STEAP3: variants seen among roughly 807,000 people sequenced by gnomAD.
The protein encoded by STEAP3 is metalloreductase STEAP3.
STEAP3 carries 35 observed loss-of-function variants against 34.9 expected under a neutral mutation model. That is an observed-to-expected ratio of 1.00 (90% CI 0.76 to 1.33). The LOEUF is 1.33. Among genes scored for constraint, STEAP3 ranks in the 40% most tolerant of loss-of-function variants. The pLI, the probability that STEAP3 is intolerant of heterozygous loss-of-function variation, is 0.00. For missense variants in STEAP3, 652 were observed against 667.6 expected (o/e 0.98, Z 0.26); for synonymous variants, 281 against 301.6 (o/e 0.93, Z 0.71).
chr2:119,248,021 G>A lies in STEAP3; in HGVS notation c.865G>A (p.Ala289Thr). 1 of 1,610,416 alleles carries A rather than the reference G, an allele frequency of 6.2e-7. No homozygotes were observed. Among genetic ancestry groups the A allele is most frequent in the Non-Finnish European group, 8.5e-7 (1 of 1,179,882 alleles). Reference sequence around the variant, plus strand: ...GTACTTGCCCGGCGTGCTGGCGGCTGCCCTGCAGCTGCGGCGCGGCACCAA... The same window carrying A: ...GTACTTGCCCGGCGTGCTGGCGGCTACCCTGCAGCTGCGGCGCGGCACCAA... ...LVYLPGVLAA[A>T]LQLRRGTKYQ... The change falls in exon 4 of 6, where the codon GCC becomes ACC. Residue 289 changes from alanine (A) to threonine (T), a missense_variant. Ala to Thr is a moderately conservative substitution (Grantham distance 58). Transcript: ENST00000393110.
In STEAP3 at chr2:119,247,970, G is replaced by T; in HGVS notation, c.814G>T (p.Val272Leu). 6.2e-7 allele frequency: 1 copy of T among 1,613,052 alleles called. No individual in the cohort carries two copies. Among genetic ancestry groups the T allele is most frequent in the South Asian group, 1.1e-5 (1 of 91,088 alleles). ...VSVVNTTLPC[V>L]AYVLLSLVYL... Reference sequence around the variant, plus strand: ...CGTGGTCAACACCACACTGCCGTGCGTGGCCTACGTGCTGCTGTCACTCGT... The same window carrying T: ...CGTGGTCAACACCACACTGCCGTGCTTGGCCTACGTGCTGCTGTCACTCGT... The change falls in exon 4 of 6, where the codon GTG becomes TTG. Residue 272 changes from valine (V) to leucine (L), a missense_variant. Val to Leu is a conservative substitution (Grantham distance 32, BLOSUM62 1). Transcript: ENST00000393110.
chr2:119,224,082 C>G (rs894727668), intron 1 of STEAP3, among the ~76,000 whole-genome samples, 194 bp downstream of exon 1: 31 of 152,222 alleles, frequency 2.0e-4, no homozygotes, highest in Non-Finnish European at 4.0e-4. Context: ...GCCCCCACCC[C>G]GTGTGCCTTC....
chr2:119,232,881 G>C (rs1289716337), intron 2 of STEAP3, among the ~76,000 whole-genome samples: 1 of 152,196 alleles, frequency 6.6e-6, no homozygotes, highest in African/African-American at 2.4e-5. Context: ...GCAGAGCCAA[G>C]GGGCCAGAGG....
At chr2:119,241,851 C>A (rs1465658494) in intron 2 of STEAP3, among the ~76,000 whole-genome samples, 1 of 152,232 alleles carries the variant, frequency 6.6e-6, no homozygotes, top group Non-Finnish European at 1.5e-5. Context: ...GATCTTCTCG[C>A]CTTGCTTCAC....
chr2:119,232,380 G>C (rs1676969155), intron 2 of STEAP3, among the ~76,000 whole-genome samples: 1 of 152,174 alleles, frequency 6.6e-6, no homozygotes, highest in South Asian at 2.1e-4. Flanking sequence ...GTCAAACCCT[G>C]TGCCCACATC....
intron 1 of STEAP3, among the ~76,000 whole-genome samples, chr2:119,225,887 G>T (rs1228190237): frequency 1.3e-5 from 2 of 152,226 alleles, no homozygotes; most frequent in African/African-American, 4.8e-5. Flanking sequence ...CCTATTTGGG[G>T]GACTAAGTGT....
rs746039592 is a variant in STEAP3 at position 119,245,565 on chromosome 2, G to C, written c.99G>C (p.Lys33Asn). 1.9e-6 allele frequency: 3 copies of C among 1,604,142 alleles called. No homozygotes were observed. In the Admixed American group the frequency reaches 5.0e-5, roughly 27 times the overall value. The change falls in exon 3 of 6, where the codon AAG becomes AAC. Residue 33 changes from lysine (K) to asparagine (N), a missense_variant. By Grantham distance (94) the Lys-to-Asn change is moderately conservative. Transcript: ENST00000393110. Reference sequence around the variant, plus strand: ...TGGACAGCGATAGTAGCCTTGCCAAGGTCCCCGATGAGGCCCCCAAAGTGG... The same window carrying C: ...TGGACAGCGATAGTAGCCTTGCCAACGTCCCCGATGAGGCCCCCAAAGTGG... ...HLVDSDSSLAKVPDEAPKVGI... is the reference protein window; with the variant it reads ...HLVDSDSSLANVPDEAPKVGI...
At chr2:119,224,501 TC>T (rs1291910989) in intron 1 of STEAP3, among the ~76,000 whole-genome samples, 1 of 152,092 alleles carries the variant, frequency 6.6e-6, no homozygotes, top group Non-Finnish European at 1.5e-5. Context: ...CCTGCCCACT[TC>T]CCCGAAATTT....
chr2:119,227,294 T>C (rs746063614), intron 1 of STEAP3, among the ~76,000 whole-genome samples: 33 of 152,192 alleles, frequency 2.2e-4, no homozygotes, highest in Non-Finnish European at 3.8e-4. Flanking sequence ...CGACTGCTTG[T>C]GGATCACAAA....
chr2:119,239,106 T>C (rs1677170178), intron 2 of STEAP3, among the ~76,000 whole-genome samples: 1 of 152,140 alleles, frequency 6.6e-6, no homozygotes, highest in South Asian at 2.1e-4. Context: ...GGAAAATCGG[T>C]ATTTTCATTT....
At chr2:119,245,298 G>A (rs1677376203) in intron 2 of STEAP3, 191 bp from the exon 3 acceptor site, 2 of 723,004 alleles carry the variant, frequency 2.8e-6, no homozygotes, top group African/African-American at 1.8e-5. Context: ...TCCTGAGTCT[G>A]TGCTCTCCCC....
chr2:119,229,684 G>A (rs145312711), intron 1 of STEAP3, among the ~76,000 whole-genome samples: 9 of 152,274 alleles, frequency 5.9e-5, no homozygotes, highest in East Asian at 5.8e-4. Flanking sequence ...AGGGGTGGGC[G>A]TTGGGGGAGA....
chr2:119,246,047 C>T (rs368659337), intron 3 of STEAP3, 59 bp downstream of exon 3: 8 of 1,546,980 alleles, frequency 5.2e-6, no homozygotes, highest in East Asian at 2.3e-5. Context: ...TAATTTTCAT[C>T]GAGTGCTGCC....
intron 2 of STEAP3, among the ~76,000 whole-genome samples, chr2:119,241,449 C>T (rs1677243743): frequency 6.6e-6 from 1 of 152,224 alleles, no homozygotes; most frequent in Admixed American, 6.5e-5. Flanking sequence ...TTGCAGACTG[C>T]ATTTTGGTGG....
intron 4 of STEAP3, among the ~76,000 whole-genome samples, chr2:119,252,859 A>T (rs1169476567): frequency 4.6e-5 from 7 of 151,558 alleles, no homozygotes; most frequent in Admixed American, 4.6e-4. Flanking sequence ...AGAGGAAAAA[A>T]ACAAGGCATT....
At chr2:119,228,643 G>A (rs2104787397) in intron 1 of STEAP3, among the ~76,000 whole-genome samples, 1 of 152,266 alleles carries the variant, frequency 6.6e-6, no homozygotes, top group South Asian at 2.1e-4. Context: ...TGGGTGGAGG[G>A]GCAGGCATCT....
chr2:119,250,879 C>G (rs1677605225), intron 4 of STEAP3, among the ~76,000 whole-genome samples: 1 of 152,208 alleles, frequency 6.6e-6, no homozygotes, highest in Non-Finnish European at 1.5e-5. Flanking sequence ...AACCATCCCT[C>G]CCGCAGGACG....
chr2:119,260,786 G>A (rs184604510), intron 5 of STEAP3, among the ~76,000 whole-genome samples: 26 of 152,322 alleles, frequency 1.7e-4, no homozygotes, highest in African/African-American at 5.8e-4. Flanking sequence ...TCTTTGGGAG[G>A]TGACCACATT....
intron 2 of STEAP3, among the ~76,000 whole-genome samples, chr2:119,241,888 G>A (rs534281123): frequency 1.3e-5 from 2 of 152,312 alleles, no homozygotes; most frequent in South Asian, 4.1e-4. Context: ...TTTGTTTCGA[G>A]GTAAATCATT....
Sources: gnomAD v4.1 joint callset for allele counts (sites outside exome capture counted in the v4.1 genomes callset) on GRCh38, gnomAD v4.1.1 for gene constraint, MANE v1.5 for transcripts, NCBI Gene and HGNC (gene_info 2026-07-23, HGNC 2026-07-21) for gene names.